Variants in ZNF438 observed in about 807,000 individuals in gnomAD.
ZNF438 encodes the protein zinc finger protein 438.
In ZNF438, 25 loss-of-function variants were observed where a neutral mutation model predicts 38.0. The observed-to-expected ratio is 0.66, with a 90% CI of 0.48 to 0.92. ZNF438 has a LOEUF of 0.92. Among genes scored for constraint, ZNF438 ranks in the 40% least tolerant of loss-of-function variants. ZNF438 has a pLI of 0.00. For synonymous variants in ZNF438, 372 were observed against 364.1 expected, an observed-to-expected ratio of 1.02 and a Z score of -0.25; for missense variants, 1,007 against 999.6, an observed-to-expected ratio of 1.01 and a Z score of -0.10.
chr10:30,889,091 A>C (rs1484083791), intron 3 of ZNF438, among the ~76,000 whole-genome samples: 1 of 152,220 alleles, frequency 6.6e-6, no homozygotes, highest in African/African-American at 2.4e-5. Context: ...ATAGTACATA[A>C]ATCCTGACTA....
intron 2 of ZNF438, among the ~76,000 whole-genome samples, chr10:30,933,565 T>C (rs2045918973): frequency 1.3e-5 from 2 of 152,120 alleles, no homozygotes; most frequent in South Asian, 4.1e-4. Flanking sequence ...CTACTGTGAG[T>C]TATGATAAGG....
chr10:31,021,974 A>C (rs1199567936), intron 1 of ZNF438, among the ~76,000 whole-genome samples: 1 of 152,198 alleles, frequency 6.6e-6, no homozygotes, highest in Non-Finnish European at 1.5e-5. Flanking sequence ...AGCAAATTGG[A>C]AAGTTGAAAA....
chr10:30,952,197 T>C (rs1439693506), intron 1 of ZNF438, among the ~76,000 whole-genome samples: 1 of 151,646 alleles, frequency 6.6e-6, no homozygotes, highest in East Asian at 1.9e-4. Flanking sequence ...TGGCTAGACA[T>C]ATGTAGAAAG....
intron 3 of ZNF438, among the ~76,000 whole-genome samples, chr10:30,893,934 C>T (rs1215025924): frequency 6.6e-6 from 1 of 152,124 alleles, no homozygotes; most frequent in African/African-American, 2.4e-5. Context: ...TTAAATTAAA[C>T]ACTGTGACCC....
chr10:30,923,724 T>C (rs115658322), intron 2 of ZNF438, among the ~76,000 whole-genome samples: 1,827 of 152,308 alleles, frequency 0.012, 37 homozygotes, highest in African/African-American at 0.041. Flanking sequence ...TGGTTTTATA[T>C]TGTCATTATA....
intron 1 of ZNF438, among the ~76,000 whole-genome samples, chr10:30,982,668 T>C (rs1484339233): frequency 1.3e-5 from 2 of 152,130 alleles, no homozygotes; most frequent in South Asian, 4.1e-4. Context: ...ACTAAAATCA[T>C]TAAATTTGGC....
intron 2 of ZNF438, among the ~76,000 whole-genome samples, chr10:30,913,642 T>G (rs1023514692): frequency 2.0e-5 from 3 of 152,034 alleles, no homozygotes; most frequent in African/African-American, 7.2e-5. Flanking sequence ...AGCCTAGAAA[T>G]TAAGACACTT....
At chr10:30,994,791 G>A (rs1374989645) in intron 1 of ZNF438, among the ~76,000 whole-genome samples, 5 of 152,190 alleles carry the variant, frequency 3.3e-5, no homozygotes, top group African/African-American at 7.2e-5. Flanking sequence ...AGCATCTTGG[G>A]AGGCCGAGGT....
intron 1 of ZNF438, among the ~76,000 whole-genome samples, chr10:30,944,674 A>G (rs918225078): frequency 1.4e-4 from 22 of 152,264 alleles, no homozygotes; most frequent in African/African-American, 4.1e-4. Flanking sequence ...CAGATTTTTT[A>G]CTTCTTTTGA....
At chr10:30,943,499 G>C (rs113406621) in intron 1 of ZNF438, among the ~76,000 whole-genome samples, 29 of 152,298 alleles carry the variant, frequency 1.9e-4, no homozygotes, top group African/African-American at 6.0e-4. Context: ...GGGGCTTTTA[G>C]TATTTAAGAT....
intron 2 of ZNF438, among the ~76,000 whole-genome samples, chr10:30,938,632 C>T (rs1564685494): frequency 6.6e-6 from 1 of 152,142 alleles, no homozygotes; most frequent in Non-Finnish European, 1.5e-5. Flanking sequence ...TCCTTACAAC[C>T]ATGGGGATAT....
At chr10:30,868,319 C>T (rs2036822434) in intron 4 of ZNF438, among the ~76,000 whole-genome samples, 1 of 152,194 alleles carries the variant, frequency 6.6e-6, no homozygotes, top group African/African-American at 2.4e-5. Context: ...GATCCGCCCG[C>T]CTCAGCCTCC....
At chr10:31,031,563 C>G (rs899796294) in intron 1 of ZNF438, among the ~76,000 whole-genome samples, 1 of 152,228 alleles carries the variant, frequency 6.6e-6, no homozygotes, top group African/African-American at 2.4e-5. Context: ...TCCGCCCCTT[C>G]TAAGGCCTCG....
chr10:30,989,410 T>C (rs2053221863), intron 1 of ZNF438, among the ~76,000 whole-genome samples: 1 of 152,334 alleles, frequency 6.6e-6, no homozygotes, highest in South Asian at 2.1e-4. Context: ...CATTAACTTC[T>C]TTTAAAGAAG....
At chr10:30,856,520 G>A (rs2034661102) in intron 4 of ZNF438, among the ~76,000 whole-genome samples, 1 of 152,086 alleles carries the variant, frequency 6.6e-6, no homozygotes, top group Admixed American at 6.5e-5. Flanking sequence ...ATACAACAGT[G>A]GTTTATTCCA....
intron 1 of ZNF438, among the ~76,000 whole-genome samples, chr10:30,957,406 TTTA>T (rs1206039678): frequency 1.3e-5 from 2 of 152,228 alleles, no homozygotes; most frequent in African/African-American, 2.4e-5. Flanking sequence ...ATCCCATTTG[TTTA>T]TTTTTTCTTT....
intron 1 of ZNF438, among the ~76,000 whole-genome samples, chr10:30,966,830 T>C (rs2050175101): frequency 6.6e-6 from 1 of 152,296 alleles, no homozygotes; most frequent in Middle Eastern, 3.4e-3. Flanking sequence ...CACCCCCCTG[T>C]AAAACTGTAT....
At chr10:30,913,968 T>C (rs1301795131) in intron 2 of ZNF438, among the ~76,000 whole-genome samples, 1 of 152,156 alleles carries the variant, frequency 6.6e-6, no homozygotes, top group Non-Finnish European at 1.5e-5. Context: ...ACAAAAAATA[T>C]GTAATTTTAA....
intron 3 of ZNF438, among the ~76,000 whole-genome samples, chr10:30,884,901 T>A (rs74366854): frequency 9.2e-5 from 14 of 152,324 alleles, no homozygotes; most frequent in African/African-American, 3.1e-4. Flanking sequence ...TAAAGAAACA[T>A]AAGAGAATAA....
Sources: allele counts gnomAD v4.1 joint callset (sites outside exome capture counted in the v4.1 genomes callset), GRCh38; gene constraint gnomAD v4.1.1; transcripts MANE v1.5; gene names NCBI Gene and HGNC (gene_info 2026-07-23, HGNC 2026-07-21).